STK26: variants seen among roughly 807,000 people sequenced by gnomAD.
STK26 encodes serine/threonine kinase 26, also known as serine/threonine-protein kinase 26.
Under a neutral mutation model 34.7 loss-of-function variants are expected in STK26, and 14 were observed. That is an observed-to-expected ratio of 0.40 (90% CI 0.27 to 0.63). The LOEUF is 0.63. Ranked by LOEUF, STK26 falls within the 30% of genes least tolerant of loss-of-function variation. The pLI, the probability that STK26 is intolerant of heterozygous loss-of-function variation, is 0.38. For synonymous variants in STK26, 100 were observed against 109.8 expected, an observed-to-expected ratio of 0.91 and a Z score of 0.56; for missense variants, 226 against 309.1, an observed-to-expected ratio of 0.73 and a Z score of 2.02.
intron 2 of STK26, among the ~76,000 whole-genome samples, chrX:132,052,269 G>A (rs888148915): frequency 9.0e-6 from 1 of 111,507 alleles, no homozygotes; most frequent in Admixed American, 9.6e-5. Context: ...TATAACTTTT[G>A]TATTATCTAT....
At position 132,072,282 on chromosome X, in the gene STK26, G is replaced by C. The variant is rs1272580053; in HGVS notation, c.947G>C (p.Arg316Thr). The C allele has an allele frequency of 8.3e-7, 1 of 1,207,842 alleles. No individual in the cohort carries two copies. Among genetic ancestry groups the C allele is most frequent in the Non-Finnish European group, 1.1e-6 (1 of 892,447 alleles). ...SEGSDSESTS[R>T]ENNTHPEWSF... Reference sequence around the variant, plus strand: ...AATCTCTTTAGGGAATCTACCAGCAGGGAAAACAATACTCATCCTGAATGG... The same window carrying C: ...AATCTCTTTAGGGAATCTACCAGCACGGAAAACAATACTCATCCTGAATGG... Residue 316 changes from arginine to threonine, a missense_variant, in exon 9 of 12, where the codon AGG (arginine) becomes ACG (threonine). Arg to Thr is a moderately conservative substitution (Grantham distance 71). Transcript: ENST00000394334.
rs374707486 is a variant in STK26 at position 132,054,576 on chromosome X, A to G, written c.43-55A>G. On this transcript the variant is annotated intron_variant, in intron 2 of 11. Coordinates refer to ENST00000394334, the MANE Select transcript of STK26 (RefSeq NM_016542.4). ...GTGATTTATTTTCCTTCATTAAAAA[A>G]ATTTGATTCAAAACATTTGTGTTCT... 8.5e-6 allele frequency: 9 copies of G among 1,062,800 alleles called. No homozygotes were observed. In the African/African-American group the frequency reaches 1.1e-4, roughly 13 times the overall value. 87.6% of individuals were successfully genotyped at this position (1,062,800 alleles called of 1,213,427 possible). A position where few individuals can be genotyped will look rare whatever the true frequency, so the allele number is the denominator to read the frequency against.
chrX:132,040,996 C>T (rs1441403846), intron 2 of STK26, among the ~76,000 whole-genome samples: 1 of 111,879 alleles, frequency 8.9e-6, no homozygotes, highest in Non-Finnish European at 1.9e-5. Flanking sequence ...CCTTTATCTC[C>T]ATATTCAGTT....
chrX:132,064,469 A>G (rs866388447), intron 4 of STK26, among the ~76,000 whole-genome samples: 5 of 111,962 alleles, frequency 4.5e-5, no homozygotes, highest in South Asian at 3.7e-4. Context: ...TTGTTCCCCA[A>G]TTCAGTGTGA....
chrX:132,072,150 C>A, intron 8 of STK26, 118 bp from the exon 9 acceptor site: 1 of 538,437 alleles, frequency 1.9e-6, no homozygotes, highest in Non-Finnish European at 3.1e-6. Flanking sequence ...TTTTTTGCAT[C>A]ATGAGTTTTT....
intron 3 of STK26, among the ~76,000 whole-genome samples, chrX:132,055,829 A>G (rs902926046): frequency 1.8e-5 from 2 of 111,809 alleles, no homozygotes; most frequent in Non-Finnish European, 3.8e-5. Flanking sequence ...TAATGCTATC[A>G]TTTTATCCTC....
chrX:132,056,454 C>A, intron 3 of STK26, among the ~76,000 whole-genome samples: 1 of 111,869 alleles, frequency 8.9e-6, no homozygotes, highest in Non-Finnish European at 1.9e-5. Context: ...CCTCAGTGGT[C>A]AATACCTTGG....
Position 132,023,614 on chromosome X carries a change from C to T in STK26, c.-4C>T, listed in dbSNP as rs1296491842. Reference sequence around the variant, plus strand: ...AGAAGCGGAGCGAGGCAGCATTCGCCTCCATGGCCCACTCGCCGGTGGCTG... The same window carrying T: ...AGAAGCGGAGCGAGGCAGCATTCGCTTCCATGGCCCACTCGCCGGTGGCTG... On this transcript the variant is annotated 5_prime_UTR_variant, in exon 2 of 12. Coordinates refer to ENST00000394334, the MANE Select transcript of STK26 (RefSeq NM_016542.4). The T allele has an allele frequency of 1.7e-6, 2 of 1,173,742 alleles. No individual in the cohort carries two copies. The highest frequency in any genetic ancestry group is 2.3e-6 in the Non-Finnish European group (2 of 876,233).
At chrX:132,038,052 G>A (rs778346285) in intron 2 of STK26, among the ~76,000 whole-genome samples, 4 of 110,145 alleles carry the variant, frequency 3.6e-5, no homozygotes, top group Non-Finnish European at 7.6e-5. Flanking sequence ...CATCGTTTTT[G>A]GAGGCTGCGA....
chrX:132,057,543 G>A (rs944289771), intron 3 of STK26, among the ~76,000 whole-genome samples: 2 of 111,100 alleles, frequency 1.8e-5, no homozygotes, highest in African/African-American at 3.3e-5. Context: ...GTGGATAGCT[G>A]TCTATATTTG....
intron 2 of STK26, among the ~76,000 whole-genome samples, chrX:132,041,176 G>A (rs762928924): frequency 9.0e-6 from 1 of 111,050 alleles, no homozygotes; most frequent in African/African-American, 3.3e-5. Flanking sequence ...AGCTTTCAGC[G>A]GCTGCCTACT....
intron 3 of STK26, among the ~76,000 whole-genome samples, chrX:132,061,941 A>C (rs1927066308): frequency 8.9e-6 from 1 of 112,056 alleles, no homozygotes; most frequent in East Asian, 2.8e-4. Context: ...TGTTTCTGGC[A>C]TCCCAAGTTG....
chrX:132,070,588 G>T lies in STK26; in HGVS notation c.784-481G>T, dbSNP rs192587715. On this transcript the variant is annotated intron_variant, in intron 7 of 11. Transcript: ENST00000394334. ...GGCGGAACATCCTCCACAGCACCTG[G>T]TGTTTGCATTTAGATGCAATAGACA... 8.9e-5 allele frequency among the ~76,000 whole-genome samples: 10 copies of T among 112,444 alleles called. No individual in the cohort carries two copies. In the East Asian group the frequency reaches 2.8e-3, roughly 31 times the overall value.
chrX:132,029,418 A>T (rs898642756), intron 2 of STK26, among the ~76,000 whole-genome samples: 4 of 111,479 alleles, frequency 3.6e-5, no homozygotes, highest in African/African-American at 1.3e-4. Context: ...GCTCCTTTGT[A>T]AAAGGTGTTA....
At chrX:132,036,573 C>T (rs994096591) in intron 2 of STK26, among the ~76,000 whole-genome samples, 1 of 111,621 alleles carries the variant, frequency 9.0e-6, no homozygotes, top group Non-Finnish European at 1.9e-5. Context: ...CCAGTCTGGG[C>T]GACAGGGTGA....
chrX:132,069,408 CACATATATATATATAT>C (rs1223073003), intron 6 of STK26, 54 bp from the exon 7 acceptor site: 85 of 124,326 alleles, frequency 6.8e-4, no homozygotes, highest in African/African-American at 6.8e-3. Context: ...TACATACATA[CACATATATATATATAT>C]ATATATATAT....
chrX:132,050,595 G>A (rs1031711502), intron 2 of STK26, among the ~76,000 whole-genome samples: 1 of 111,878 alleles, frequency 8.9e-6, no homozygotes. Context: ...AAATAAATTC[G>A]TGTGTAAGTG....
intron 3 of STK26, among the ~76,000 whole-genome samples, chrX:132,061,608 G>T (rs1228488484): frequency 9.0e-6 from 1 of 111,715 alleles, no homozygotes; most frequent in Non-Finnish European, 1.9e-5. Context: ...ATTCTACATA[G>T]TGTCAGCATA....
intron 2 of STK26, among the ~76,000 whole-genome samples, chrX:132,037,047 A>G (rs1210145566): frequency 1.8e-5 from 2 of 111,964 alleles, no homozygotes; most frequent in Non-Finnish European, 3.8e-5. Flanking sequence ...AGAGAAATCA[A>G]TGTAATTTAT....
Sources: allele counts gnomAD v4.1 joint callset (sites outside exome capture counted in the v4.1 genomes callset), GRCh38; gene constraint gnomAD v4.1.1; transcripts MANE v1.5; gene names NCBI Gene and HGNC (gene_info 2026-07-23, HGNC 2026-07-21).